Variants in CD8B2 observed in about 807,000 individuals in gnomAD.
CD8B2 encodes the protein CD8B family member 2, also known as T-cell surface glycoprotein CD8 beta-2 chain.
Under a neutral mutation model 23.7 loss-of-function variants are expected in CD8B2, and 11 were observed. That is an observed-to-expected ratio of 0.46 (90% CI 0.29 to 0.77). The LOEUF (loss-of-function observed/expected upper bound fraction) is 0.77, where lower values mean the gene tolerates loss of function less well. CD8B2 is among the 30% of genes least tolerant of loss of function. CD8B2 has a pLI of 0.09. For synonymous variants in CD8B2, 90 were observed against 109.3 expected, an observed-to-expected ratio of 0.82 and a Z score of 1.10; for missense variants, 197 against 270.5, an observed-to-expected ratio of 0.73 and a Z score of 1.91.
intron 5 of CD8B2, among the ~76,000 whole-genome samples, chr2:106,523,313 C>G (rs1195265817): frequency 1.3e-5 from 2 of 152,072 alleles, no homozygotes; most frequent in Admixed American, 1.3e-4. Flanking sequence ...CTCTTTGAGC[C>G]CCAAGTTTCT....
At chr2:106,520,557 G>A (rs1453442232) in intron 5 of CD8B2, among the ~76,000 whole-genome samples, 1 of 152,180 alleles carries the variant, frequency 6.6e-6, no homozygotes, top group Non-Finnish European at 1.5e-5. Flanking sequence ...CTCATGCCAA[G>A]AAAATTAAGG....
chr2:106,533,761 C>T (rs1158045250), intron 5 of CD8B2, among the ~76,000 whole-genome samples: 1 of 152,196 alleles, frequency 6.6e-6, no homozygotes, highest in Non-Finnish European at 1.5e-5. Context: ...GTAAGTCCTA[C>T]CCTTGGTTGA....
rs934694871 is a variant in CD8B2 at position 106,507,719 on chromosome 2, C to T, written c.*779C>T. On this transcript the variant is annotated 3_prime_UTR_variant, in exon 6 of 6. Coordinates refer to ENST00000643224, the MANE Select transcript of CD8B2 (RefSeq NM_001349727.2). Reference sequence around the variant, plus strand: ...CCCATCTACAGCAAAGACATCAGTGCTCAGTGGAACAGAAACCAGAAGGAG... The same window carrying T: ...CCCATCTACAGCAAAGACATCAGTGTTCAGTGGAACAGAAACCAGAAGGAG... 11 of 807,714 alleles carry T rather than the reference C, an allele frequency of 1.4e-5. No homozygotes were observed. Among genetic ancestry groups the T allele is most frequent in the Non-Finnish European group, 1.6e-5 (11 of 667,986 alleles). 50.0% of individuals were successfully genotyped at this position (807,714 alleles called of 1,614,324 possible).
At chr2:106,513,681 G>C (rs1679680652), downstream of CD8B2, among the ~76,000 whole-genome samples, 1 of 151,820 alleles carries the variant, frequency 6.6e-6, no homozygotes, top group African/African-American at 2.4e-5. Flanking sequence ...GTCTGGGCAA[G>C]ACCAGACCAG....
intron 5 of CD8B2, among the ~76,000 whole-genome samples, chr2:106,527,431 G>A (rs531960902): frequency 1.3e-5 from 2 of 152,116 alleles, no homozygotes; most frequent in Non-Finnish European, 2.9e-5. Context: ...TTAAGCAATC[G>A]AATGTTGCCT....
intron 5 of CD8B2, among the ~76,000 whole-genome samples, chr2:106,521,171 G>A (rs1386588757): frequency 6.6e-6 from 1 of 152,102 alleles, no homozygotes; most frequent in Non-Finnish European, 1.5e-5. Flanking sequence ...CCACAGATTG[G>A]TTGGACCAGG....
intron 5 of CD8B2, among the ~76,000 whole-genome samples, chr2:106,540,935 CA>C (rs1359138151): frequency 2.0e-5 from 3 of 152,170 alleles, no homozygotes; most frequent in South Asian, 4.1e-4. Context: ...GAAGGCATAT[CA>C]GGGGAGCTTC....
chr2:106,533,666 A>C (rs915713729), intron 5 of CD8B2, among the ~76,000 whole-genome samples: 1 of 152,206 alleles, frequency 6.6e-6, no homozygotes, highest in East Asian at 1.9e-4. Flanking sequence ...ATAAAATGCT[A>C]AAATAGTACA....
chr2:106,504,404 C>T (rs1003600006), intron 5 of CD8B2, 79 bp downstream of exon 5: 1 of 1,550,002 alleles, frequency 6.5e-7, no homozygotes, highest in Non-Finnish European at 8.7e-7. Context: ...GGCGAGGAGC[C>T]AAAGTCAGAC....
intron 5 of CD8B2, among the ~76,000 whole-genome samples, chr2:106,505,433 G>C (rs960834075): frequency 4.2e-5 from 6 of 142,622 alleles, no homozygotes; most frequent in African/African-American, 1.3e-4. Flanking sequence ...CGGATTTCTC[G>C]TCTGTTAAAT....
chr2:106,536,221 A>G (rs1680087064), intron 5 of CD8B2, among the ~76,000 whole-genome samples: 1 of 151,974 alleles, frequency 6.6e-6, no homozygotes, highest in Non-Finnish European at 1.5e-5. Flanking sequence ...TTTAGTAGAC[A>G]GGGTTTCTCC....
chr2:106,492,533 G>A (rs1679214959), intron 2 of CD8B2, among the ~76,000 whole-genome samples: 1 of 152,212 alleles, frequency 6.6e-6, no homozygotes, highest in South Asian at 2.1e-4. Context: ...GTGCTCAGCA[G>A]CACCTGTGGC....
intron 5 of CD8B2, among the ~76,000 whole-genome samples, chr2:106,534,200 G>A (rs1423387134): frequency 6.6e-6 from 1 of 152,166 alleles, no homozygotes; most frequent in Non-Finnish European, 1.5e-5. Flanking sequence ...AGCCTTCACT[G>A]GAGCAGATAG....
At chr2:106,542,834 C>T (rs182685457) in intron 5 of CD8B2, among the ~76,000 whole-genome samples, 88 of 151,992 alleles carry the variant, frequency 5.8e-4, no homozygotes, top group Non-Finnish European at 1.0e-3. Flanking sequence ...TAAGTGAATA[C>T]ATGTGCGCCC....
At chr2:106,540,597 T>C (rs6731686) in intron 5 of CD8B2, among the ~76,000 whole-genome samples, 77,457 of 151,532 alleles carry the variant, frequency 0.51, 20,188 homozygotes, top group Non-Finnish European at 0.54. Flanking sequence ...TGGAGTCTTG[T>C]TCTGTCACCC....
intron 5 of CD8B2, among the ~76,000 whole-genome samples, chr2:106,529,981 G>A (rs968196876): frequency 6.6e-6 from 1 of 152,204 alleles, no homozygotes; most frequent in Admixed American, 6.5e-5. Context: ...TCATACCCTT[G>A]AGAATGAAGG....
chr2:106,532,346 T>C (rs1679999776), intron 5 of CD8B2, among the ~76,000 whole-genome samples: 1 of 152,064 alleles, frequency 6.6e-6, no homozygotes, highest in Non-Finnish European at 1.5e-5. Context: ...TTTTTTTTTC[T>C]ATTAAAGCGA....
intron 5 of CD8B2, among the ~76,000 whole-genome samples, chr2:106,520,570 A>T (rs1420913318): frequency 1.3e-5 from 2 of 152,224 alleles, no homozygotes; most frequent in Admixed American, 1.3e-4. Context: ...AATTAAGGAC[A>T]TGAACACACA....
intron 5 of CD8B2, among the ~76,000 whole-genome samples, chr2:106,526,268 A>G (rs1679905645): frequency 6.6e-6 from 1 of 152,042 alleles, no homozygotes; most frequent in Non-Finnish European, 1.5e-5. Flanking sequence ...AAATCACTTT[A>G]TGAATACAAC....
Sources: allele counts gnomAD v4.1 joint callset (sites outside exome capture counted in the v4.1 genomes callset), GRCh38; gene constraint gnomAD v4.1.1; transcripts MANE v1.5; gene names NCBI Gene and HGNC (gene_info 2026-07-23, HGNC 2026-07-21).